The following GATAD2A variants were observed in gnomAD, a reference collection of about 807,000 sequenced individuals.
GATAD2A encodes the protein transcriptional repressor p66-alpha.
Under a neutral mutation model 68.5 loss-of-function variants are expected in GATAD2A, and 12 were observed. The observed-to-expected ratio is 0.18, with a 90% confidence interval of 0.11 to 0.28. The LOEUF (loss-of-function observed/expected upper bound fraction) is 0.28, where lower values mean the gene tolerates loss of function less well. Among genes scored for constraint, GATAD2A ranks in the 10% least tolerant of loss-of-function variants. The probability of loss-of-function intolerance (pLI) is 1.00; values close to 1 mark genes in which losing one functional copy is unlikely to be tolerated. For synonymous variants in GATAD2A, 410 were observed against 375.3 expected (o/e 1.09, Z -1.07); for missense variants, 755 against 868.5 (o/e 0.87, Z 1.64).
chr19:19,474,093 C>T (rs1390767282), intron 2 of GATAD2A: 16 of 985,038 alleles, frequency 1.6e-5, no homozygotes, highest in Non-Finnish European at 1.8e-5. Context: ...TTGTTCTGTG[C>T]CAAAATGGGG....
At chr19:19,490,562 C>T (rs945314324) in intron 2 of GATAD2A, among the ~76,000 whole-genome samples, 2 of 152,110 alleles carry the variant, frequency 1.3e-5, no homozygotes, top group African/African-American at 4.8e-5. Context: ...CACAGTGCCA[C>T]CTAGAGGACG....
At chr19:19,467,791 A>G (rs1346892820) in intron 2 of GATAD2A, among the ~76,000 whole-genome samples, 1 of 152,214 alleles carries the variant, frequency 6.6e-6, no homozygotes, top group Admixed American at 6.5e-5. Flanking sequence ...GGAATCATCA[A>G]GAAATATATA....
intron 1 of GATAD2A, among the ~76,000 whole-genome samples, chr19:19,437,953 C>T (rs953115207): frequency 6.6e-6 from 1 of 152,200 alleles, no homozygotes; most frequent in African/African-American, 2.4e-5. Context: ...GGTGCAGTTA[C>T]TGGATCATAT....
At chr19:19,503,674 T>G (rs2060695823) in intron 11 of GATAD2A, among the ~76,000 whole-genome samples, 2 of 124,782 alleles carry the variant, frequency 1.6e-5, no homozygotes, top group Admixed American at 8.5e-5. Context: ...GTGTGTGTGT[T>G]TAAAGTTTGA....
chr19:19,466,231 A>C (rs1335327709), intron 2 of GATAD2A, among the ~76,000 whole-genome samples: 1 of 152,224 alleles, frequency 6.6e-6, no homozygotes, highest in Non-Finnish European at 1.5e-5. Flanking sequence ...AAATAAAAAT[A>C]AGACCCAATC....
intron 1 of GATAD2A, among the ~76,000 whole-genome samples, chr19:19,428,559 A>G (rs949313845): frequency 2.0e-5 from 3 of 152,134 alleles, no homozygotes; most frequent in Non-Finnish European, 4.4e-5. Flanking sequence ...CAGGTGAGCC[A>G]GGCTGGGCAG....
intron 1 of GATAD2A, among the ~76,000 whole-genome samples, chr19:19,457,620 A>G (rs1028642547): frequency 3.3e-5 from 5 of 152,086 alleles, no homozygotes; most frequent in Non-Finnish European, 7.4e-5. Context: ...GGGCGCCTGT[A>G]GTCCCAGCTG....
At chr19:19,485,138 G>T (rs1420511067) in intron 2 of GATAD2A, among the ~76,000 whole-genome samples, 1 of 152,156 alleles carries the variant, frequency 6.6e-6, no homozygotes, top group Non-Finnish European at 1.5e-5. Context: ...AAGGCTCAGT[G>T]GGTAGTTACT....
chr19:19,421,693 G>A (rs1003411010), intron 1 of GATAD2A, among the ~76,000 whole-genome samples: 2 of 152,200 alleles, frequency 1.3e-5, no homozygotes, highest in African/African-American at 4.8e-5. Context: ...CATGGGCTCT[G>A]TGTGGCAGAG....
intron 1 of GATAD2A, among the ~76,000 whole-genome samples, chr19:19,416,094 G>T (rs552332905): frequency 3.3e-5 from 5 of 152,066 alleles, no homozygotes; most frequent in Admixed American, 2.0e-4. Context: ...AAAGCACTGG[G>T]ATTACAGGTC....
intron 1 of GATAD2A, among the ~76,000 whole-genome samples, chr19:19,396,660 G>T (rs2049264154): frequency 6.6e-6 from 1 of 152,184 alleles, no homozygotes; most frequent in South Asian, 2.1e-4. Flanking sequence ...TGGGATTTCA[G>T]GCATGAGCCA....
At chr19:19,405,655 G>A (rs1300918219), upstream of GATAD2A, 1 of 151,790 alleles carries the variant, frequency 6.6e-6, no homozygotes, top group Non-Finnish European at 1.5e-5. Flanking sequence ...CTTCTCGTCA[G>A]GCCCCGCCCC....
intron 11 of GATAD2A, among the ~76,000 whole-genome samples, chr19:19,503,819 G>C (rs1263281495): frequency 6.6e-6 from 1 of 152,212 alleles, no homozygotes; most frequent in Admixed American, 6.5e-5. Context: ...CCAGTTGCCA[G>C]GTTTCTGGAG....
intron 1 of GATAD2A, among the ~76,000 whole-genome samples, chr19:19,450,027 A>C (rs2056204690): frequency 6.6e-6 from 1 of 152,070 alleles, no homozygotes; most frequent in African/African-American, 2.4e-5. Flanking sequence ...TGTCCTCAAG[A>C]GATCCTCTTG....
chr19:19,505,688 A>G lies in GATAD2A; in HGVS notation c.*214A>G. On this transcript the variant is annotated 3_prime_UTR_variant, in exon 12 of 12. Coordinates refer to ENST00000683918, the MANE Select transcript of GATAD2A (RefSeq NM_001384528.1). ...GGTGCCGCCTCATAGGCAGACGAGG[A>G]TCATCGCTGGGGGACCTTTCCCGTG... 1 of 477,750 alleles carries G rather than the reference A, an allele frequency of 2.1e-6. No homozygotes were observed. The highest frequency in any genetic ancestry group is 3.8e-5 in the South Asian group (1 of 26,526). The allele number at this position is 477,750 out of a possible 1,614,324, so 29.6% of individuals were successfully genotyped here.
At chr19:19,427,213 G>A (rs1223048456) in intron 1 of GATAD2A, among the ~76,000 whole-genome samples, 3 of 152,140 alleles carry the variant, frequency 2.0e-5, no homozygotes, top group African/African-American at 7.2e-5. Context: ...ATGGATGGAT[G>A]ATGGTTGCAC....
At chr19:19,463,117 C>G (rs1036214151) in intron 1 of GATAD2A, among the ~76,000 whole-genome samples, 1 of 152,168 alleles carries the variant, frequency 6.6e-6, no homozygotes, top group Non-Finnish European at 1.5e-5. Flanking sequence ...GTCCGAGGTC[C>G]TGGCCTCCCC....
At chr19:19,388,118 G>A (rs1175593137) in intron 1 of GATAD2A, among the ~76,000 whole-genome samples, 1 of 149,720 alleles carries the variant, frequency 6.7e-6, no homozygotes, top group Non-Finnish European at 1.5e-5. Context: ...GTGCAATGGT[G>A]TGATCTCTGG....
At chr19:19,398,130 T>C (rs1005045141) in intron 1 of GATAD2A, among the ~76,000 whole-genome samples, 2 of 152,130 alleles carry the variant, frequency 1.3e-5, no homozygotes, top group African/African-American at 2.4e-5. Flanking sequence ...CTCGAACTCC[T>C]GACCTCAGGT....
Sources: gnomAD v4.1 joint callset for allele counts (sites outside exome capture counted in the v4.1 genomes callset) on GRCh38, gnomAD v4.1.1 for gene constraint, MANE v1.5 for transcripts, NCBI Gene and HGNC (gene_info 2026-07-23, HGNC 2026-07-21) for gene names.